The following ARHGEF9 variants were observed in gnomAD, a reference collection of about 807,000 sequenced individuals.
The protein encoded by ARHGEF9 is Cdc42 guanine nucleotide exchange factor 9, also known as rho guanine nucleotide exchange factor 9.
A neutral mutation model predicts 41.3 loss-of-function variants in ARHGEF9; 2 were observed. The observed-to-expected ratio is 0.05, with a 90% CI of 0.02 to 0.15. The LOEUF (loss-of-function observed/expected upper bound fraction) is 0.15, where lower values mean the gene tolerates loss of function less well. Ranked by LOEUF, ARHGEF9 falls within the 10% of genes least tolerant of loss-of-function variation. The probability of loss-of-function intolerance (pLI) is 1.00; values close to 1 mark genes in which losing one functional copy is unlikely to be tolerated. For synonymous variants in ARHGEF9, 160 were observed against 154.4 expected, an observed-to-expected ratio of 1.04 and a Z score of -0.27; for missense variants, 225 against 424.7, an observed-to-expected ratio of 0.53 and a Z score of 4.13.
chrX:63,763,825 T>C (rs782292871), intron 1 of ARHGEF9, among the ~76,000 whole-genome samples: 8 of 111,565 alleles, frequency 7.2e-5, no homozygotes, highest in Non-Finnish European at 1.3e-4. Context: ...CACATAGTAA[T>C]GCTCAGTAAA....
At chrX:63,647,956 G>T (rs1207388525) in intron 8 of ARHGEF9, among the ~76,000 whole-genome samples, 3 of 111,270 alleles carry the variant, frequency 2.7e-5, no homozygotes, top group Non-Finnish European at 5.7e-5. Context: ...TATGTGAAAA[G>T]ACCAAATCTA....
At chrX:63,777,168 A>T (rs1442145336) in intron 1 of ARHGEF9, among the ~76,000 whole-genome samples, 1 of 111,823 alleles carries the variant, frequency 8.9e-6, no homozygotes, top group Non-Finnish European at 1.9e-5. Context: ...GGGAGGCCTC[A>T]GGAAACTTAC....
chrX:63,731,612 C>T (rs372555876), intron 1 of ARHGEF9, among the ~76,000 whole-genome samples: 21 of 97,138 alleles, frequency 2.2e-4, no homozygotes, highest in African/African-American at 7.4e-4. Flanking sequence ...CAGGCTGGAG[C>T]GCAGTGGTGC....
chrX:63,766,751 A>AACTG (rs1556451966), intron 1 of ARHGEF9: 1 of 199,883 alleles, frequency 5.0e-6, no homozygotes, highest in Non-Finnish European at 9.2e-6. Flanking sequence ...CTCACTAAAG[A>AACTG]ACTGTGCCCC....
At chrX:63,705,357 A>G (rs868914993) in intron 3 of ARHGEF9, among the ~76,000 whole-genome samples, 2 of 82,085 alleles carry the variant, frequency 2.4e-5, no homozygotes, top group Non-Finnish European at 4.9e-5. Context: ...ATAAGAGAGA[A>G]TGTGTGTGTG....
At chrX:63,741,118 C>A (rs1556426063) in intron 1 of ARHGEF9, among the ~76,000 whole-genome samples, 2 of 112,879 alleles carry the variant, frequency 1.8e-5, no homozygotes, top group African/African-American at 6.4e-5. Context: ...TTTAGGCCTT[C>A]TTTGACATTG....
intron 1 of ARHGEF9, among the ~76,000 whole-genome samples, chrX:63,764,050 C>G (rs1447642146): frequency 8.9e-6 from 1 of 111,782 alleles, no homozygotes; most frequent in Non-Finnish European, 1.9e-5. Context: ...AATGGAGGAA[C>G]ATTGTTGCAA....
intron 1 of ARHGEF9, chrX:63,727,755 C>T (rs1426977589): frequency 5.4e-5 from 6 of 112,096 alleles, no homozygotes; most frequent in Admixed American, 3.8e-4. Flanking sequence ...ATTCTAAACA[C>T]GTTATATACA....
chrX:63,779,671 T>C (rs1556460959), intron 1 of ARHGEF9, among the ~76,000 whole-genome samples: 1 of 111,814 alleles, frequency 8.9e-6, no homozygotes, highest in Non-Finnish European at 1.9e-5. Flanking sequence ...GACTAGGATA[T>C]GTCAGGTGTT....
At chrX:63,718,446 A>G (rs1359998091) in intron 2 of ARHGEF9, among the ~76,000 whole-genome samples, 1 of 111,314 alleles carries the variant, frequency 9.0e-6, no homozygotes, top group African/African-American at 3.3e-5. Flanking sequence ...CACACCACCA[A>G]GGCAGTATAT....
At chrX:63,648,819 G>C (rs1357316224) in intron 8 of ARHGEF9, among the ~76,000 whole-genome samples, 10 of 111,297 alleles carry the variant, frequency 9.0e-5, no homozygotes, top group Non-Finnish European at 1.3e-4. Context: ...GGTTAAAACA[G>C]ACTTTAAACC....
chrX:63,755,317 G>A (rs1297022422), intron 1 of ARHGEF9: 1 of 798,341 alleles, frequency 1.3e-6, no homozygotes, highest in African/African-American at 2.2e-5. Flanking sequence ...TCCCAAGCAA[G>A]CTCGCTCTCC....
chrX:63,783,934 C>T (rs2056420405), intron 1 of ARHGEF9, among the ~76,000 whole-genome samples: 1 of 111,679 alleles, frequency 9.0e-6, no homozygotes, highest in Non-Finnish European at 1.9e-5. Flanking sequence ...GAACCGGATG[C>T]CCTTAAGAAC....
At chrX:63,765,102 G>A (rs1296733289) in intron 1 of ARHGEF9, among the ~76,000 whole-genome samples, 1 of 111,601 alleles carries the variant, frequency 9.0e-6, no homozygotes, top group Non-Finnish European at 1.9e-5. Context: ...ACAGGGGCAA[G>A]TGGAAGTCTT....
At chrX:63,648,685 T>C (rs1443314326) in intron 8 of ARHGEF9, among the ~76,000 whole-genome samples, 1 of 111,357 alleles carries the variant, frequency 9.0e-6, no homozygotes, top group Non-Finnish European at 1.9e-5. Flanking sequence ...GACCCATCAG[T>C]GTGCTGTATT....
At chrX:63,711,419 C>A (rs2052924308) in intron 2 of ARHGEF9, among the ~76,000 whole-genome samples, 1 of 111,525 alleles carries the variant, frequency 9.0e-6, no homozygotes, top group African/African-American at 3.3e-5. Flanking sequence ...TACAAACCTA[C>A]AGTAATCAAG....
At position 63,754,249 on chromosome X, in the gene ARHGEF9, G is replaced by A. The variant is rs1602716545; in HGVS notation, c.31-29538C>T. 2.3e-5 allele frequency: 26 copies of A among 1,153,004 alleles called. No individual in the cohort carries two copies. In the East Asian group the frequency reaches 3.3e-4, roughly 15 times the overall value. ...ACTCAAGCAATAGGCAACTATACGCGCAGGCATTCTTAAAAGACAAGACAC... is the reference window on the plus strand; with the variant it reads ...ACTCAAGCAATAGGCAACTATACGCACAGGCATTCTTAAAAGACAAGACAC... On this transcript the variant is annotated intron_variant, in intron 1 of 9. Coordinates refer to ENST00000671741, the MANE Select transcript of ARHGEF9 (RefSeq NM_001353921.2).
At chrX:63,776,378 G>A (rs1264541661) in intron 1 of ARHGEF9, among the ~76,000 whole-genome samples, 3 of 111,810 alleles carry the variant, frequency 2.7e-5, no homozygotes, top group East Asian at 2.8e-4. Flanking sequence ...CAAAGGCAGC[G>A]ATACACAATA....
chrX:63,683,156 C>CA (rs1332480309), intron 4 of ARHGEF9, among the ~76,000 whole-genome samples: 95 of 101,978 alleles, frequency 9.3e-4, no homozygotes, highest in African/African-American at 2.4e-3. Flanking sequence ...ATGCAGGATA[C>CA]AAAAAAAAAA....
Sources: allele counts gnomAD v4.1 joint callset (sites outside exome capture counted in the v4.1 genomes callset), GRCh38; gene constraint gnomAD v4.1.1; transcripts MANE v1.5; gene names NCBI Gene and HGNC (gene_info 2026-07-23, HGNC 2026-07-21).